STT3A: variants seen among roughly 807,000 people sequenced by gnomAD.
STT3A encodes the protein STT3 oligosaccharyltransferase complex catalytic subunit A.
STT3A carries 34 observed loss-of-function variants against 89.2 expected under a neutral mutation model. The ratio of observed to expected loss-of-function variants is 0.38; its 90% CI spans 0.29 to 0.51. The LOEUF (loss-of-function observed/expected upper bound fraction) is 0.51. Among genes scored for constraint, STT3A ranks in the 20% least tolerant of loss-of-function variants. STT3A has a pLI of 0.89. For missense variants in STT3A, 555 were observed against 889.5 expected, an observed-to-expected ratio of 0.62 and a Z score of 4.78; for synonymous variants, 282 against 310.3, an observed-to-expected ratio of 0.91 and a Z score of 0.96.
chr11:125,598,691 A>G (rs974807779), intron 3 of STT3A, among the ~76,000 whole-genome samples: 11 of 152,090 alleles, frequency 7.2e-5, no homozygotes, highest in African/African-American at 2.7e-4. Flanking sequence ...TGCAGCCTTG[A>G]CTTGTGGGGC....
At chr11:125,598,777 T>C in intron 3 of STT3A, among the ~76,000 whole-genome samples, 2 of 152,182 alleles carry the variant, frequency 1.3e-5, no homozygotes, top group Middle Eastern at 6.8e-3. Flanking sequence ...GCTAATTTTT[T>C]AAAAATTTTT....
intron 1 of STT3A, among the ~76,000 whole-genome samples, chr11:125,595,267 C>T (rs1256095562): frequency 4.0e-5 from 6 of 151,742 alleles, no homozygotes; most frequent in Non-Finnish European, 8.8e-5. Context: ...CAACTCCTGC[C>T]TCAGCCTCCT....
At chr11:125,608,463 T>TGACACCGCGCCC (rs1939903171) in intron 9 of STT3A, 174 bp downstream of exon 9, 1 of 554,626 alleles carries the variant, frequency 1.8e-6, no homozygotes, top group South Asian at 3.1e-5. Context: ...TACAGGCGCC[T>TGACACCGCGCCC]GCCACCGCGC....
Position 125,614,049 on chromosome 11 carries a change from G to A in STT3A, c.1555-38G>A. 6.3e-7 allele frequency: 1 copy of A among 1,584,486 alleles called. No homozygotes were observed. Among genetic ancestry groups the A allele is most frequent in the Non-Finnish European group, 8.7e-7 (1 of 1,153,800 alleles). On this transcript the variant is annotated intron_variant, in intron 13 of 17. Transcript: ENST00000392708. The surrounding 1 kb of genome is among the most constrained non-coding windows in gnomAD (Gnocchi z 4.9). ...GTTGCATTTGATTTTTAGAGACAGT[G>A]AGAAGCTTGTTATTTCCATTTCCCA...
chr11:125,606,582 G>A, intron 8 of STT3A, 117 bp downstream of exon 8: 1 of 1,148,406 alleles, frequency 8.7e-7, no homozygotes, highest in Non-Finnish European at 1.2e-6. Flanking sequence ...CCTTTATATT[G>A]AACTACTTGT....
At chr11:125,607,685 C>T (rs1236207323) in intron 8 of STT3A, among the ~76,000 whole-genome samples, 1 of 152,202 alleles carries the variant, frequency 6.6e-6, no homozygotes, top group Non-Finnish European at 1.5e-5. Flanking sequence ...ATTTGAGAAC[C>T]ACCGATCTAA....
chr11:125,618,666 C>G, intron 16 of STT3A, 105 bp downstream of exon 16: 2 of 1,125,192 alleles, frequency 1.8e-6, no homozygotes, highest in Non-Finnish European at 1.2e-6. Context: ...TGTCTGTTAA[C>G]TCATTTAATC....
At chr11:125,619,878 C>A in intron 16 of STT3A, 133 bp from the exon 17 acceptor site, 1 of 702,024 alleles carries the variant, frequency 1.4e-6, no homozygotes, top group Non-Finnish European at 2.4e-6. Context: ...CCCTTTTTTG[C>A]AGGCTCTACT....
At chr11:125,594,117 T>C (rs907831457) in intron 1 of STT3A, among the ~76,000 whole-genome samples, 2 of 152,228 alleles carry the variant, frequency 1.3e-5, no homozygotes, top group African/African-American at 4.8e-5. Context: ...CTACTAATTA[T>C]TTCCCGACTT....
At chr11:125,604,937 A>G (rs539425497) in intron 6 of STT3A, among the ~76,000 whole-genome samples, 2 of 152,168 alleles carry the variant, frequency 1.3e-5, no homozygotes, top group Admixed American at 1.3e-4. Flanking sequence ...CCCTGTCACT[A>G]TAAGAAATAC....
chr11:125,602,092 C>A (rs1373116391), intron 3 of STT3A, among the ~76,000 whole-genome samples: 1 of 152,088 alleles, frequency 6.6e-6, no homozygotes, highest in Non-Finnish European at 1.5e-5. Context: ...CCACTGCACC[C>A]GGCTCATTTC....
chr11:125,598,883 C>A (rs1031399752), intron 3 of STT3A, among the ~76,000 whole-genome samples: 1 of 152,226 alleles, frequency 6.6e-6, no homozygotes, highest in Admixed American at 6.5e-5. Context: ...ACTGGCATTA[C>A]AGGTATGGGC....
intron 9 of STT3A, 95 bp from the exon 10 acceptor site, chr11:125,609,339 T>G (rs1270816490): frequency 9.0e-6 from 13 of 1,450,270 alleles, no homozygotes; most frequent in Non-Finnish European, 1.2e-5. Flanking sequence ...TCTCTGTCAC[T>G]GAGAATCTTA....
rs952741280 is a variant in STT3A at position 125,614,904 on chromosome 11, A to G, written c.1774+478A>G. On this transcript the variant is annotated intron_variant, in intron 15 of 17. Transcript: ENST00000392708. This position sits in a 1 kb window ranked among gnomAD's most constrained non-coding sequence, Gnocchi z 4.9. ...CATGTGCCCTATGATTATTGGCACA[A>G]AGATTTTTAGAAGAAACATCCAAAT... 3.3e-5 allele frequency among the ~76,000 whole-genome samples: 5 copies of G among 152,126 alleles called. No homozygotes were observed. Among genetic ancestry groups the G allele is most frequent in the Admixed American group, 3.3e-4 (5 of 15,264 alleles).
intron 3 of STT3A, among the ~76,000 whole-genome samples, chr11:125,600,338 C>T (rs1014551267): frequency 6.6e-6 from 1 of 151,884 alleles, no homozygotes; most frequent in Admixed American, 6.6e-5. Flanking sequence ...GAGTGAGCCA[C>T]TGCGCCTGGC....
chr11:125,604,338 A>C, intron 6 of STT3A, 91 bp downstream of exon 6: 2 of 1,283,384 alleles, frequency 1.6e-6, no homozygotes, highest in Non-Finnish European at 2.2e-6. Context: ...CAATAATAAA[A>C]ATGGTAACTG....
intron 15 of STT3A, among the ~76,000 whole-genome samples, chr11:125,616,379 C>G (rs1253067967): frequency 6.6e-6 from 1 of 152,172 alleles, no homozygotes; most frequent in Non-Finnish European, 1.5e-5. Context: ...AAAAGTCTAT[C>G]CATCTTCATT....
In STT3A at chr11:125,622,271, A is replaced by C. The variant is rs904053667; in HGVS notation, c.*1461A>C. The C allele has an allele frequency of 6.6e-5, 10 of 152,224 alleles. No individual in the cohort carries two copies. The highest frequency in any genetic ancestry group is 2.4e-4 in the African/African-American group (10 of 41,458). The allele number at this position is 152,224 out of a possible 1,614,324, so 9.4% of individuals were successfully genotyped here. On this transcript the variant is annotated 3_prime_UTR_variant, in exon 18 of 18. Coordinates refer to ENST00000392708, the MANE Select transcript of STT3A (RefSeq NM_152713.5). ...TATAGCCAGGGCACTTAGCCTTCCA[A>C]ACCAATTTATATACCATGTTCTTCA...
chr11:125,598,024 C>T (rs556839739), intron 3 of STT3A, among the ~76,000 whole-genome samples: 6 of 152,196 alleles, frequency 3.9e-5, no homozygotes, highest in East Asian at 3.9e-4. Flanking sequence ...CCAGCCTGGC[C>T]AACATAGTAA....
Sources: gnomAD v4.1 joint callset for allele counts (sites outside exome capture counted in the v4.1 genomes callset) on GRCh38, gnomAD v4.1.1 for gene constraint, Gnocchi (gnomAD v3.1) non-coding constraint, MANE v1.5 for transcripts, NCBI Gene and HGNC (gene_info 2026-07-23, HGNC 2026-07-21) for gene names.